The following ARHGAP24 variants were observed in gnomAD, a reference collection of about 807,000 sequenced individuals.
The protein encoded by ARHGAP24 is Rho GTPase activating protein 24.
A neutral mutation model predicts 76.4 loss-of-function variants in ARHGAP24; 50 were observed. That is an observed-to-expected ratio of 0.65 (90% CI 0.52 to 0.83). The LOEUF is 0.83. Ranked by LOEUF, ARHGAP24 falls within the 40% of genes least tolerant of loss-of-function variation. ARHGAP24 has a pLI of 0.00. For missense variants in ARHGAP24, 930 were observed against 914.2 expected (o/e 1.02, Z -0.22); for synonymous variants, 345 against 323.3 (o/e 1.07, Z -0.72).
rs1740998039 is a variant in ARHGAP24, at chr4:86,001,176, AATATAAATATAT to A, written c.*467_*478del. 4 of 394,690 alleles carry A rather than the reference AATATAAATATAT, an allele frequency of 1.0e-5. No individual in the cohort carries two copies. The highest frequency in any genetic ancestry group is 4.4e-5 in the Admixed American group (1 of 22,976). 24.4% of individuals were successfully genotyped at this position (394,690 alleles called of 1,614,324 possible). A position where few individuals can be genotyped will look rare whatever the true frequency, so the allele number is the denominator to read the frequency against. On this transcript the variant is annotated 3_prime_UTR_variant, in exon 10 of 10. Coordinates refer to ENST00000395184, the MANE Select transcript of ARHGAP24 (RefSeq NM_001025616.3). ...TGCTGAGGAAATGAAGATAAGCAAAAATATAAATATATATATAAATATATGAGTTATTAAAAT... is the reference window on the plus strand; with the variant it reads ...TGCTGAGGAAATGAAGATAAGCAAAAATATAAATATATGAGTTATTAAAAT...
At chr4:85,729,266 G>T (rs1343519599) in intron 3 of ARHGAP24, among the ~76,000 whole-genome samples, 1 of 152,044 alleles carries the variant, frequency 6.6e-6, no homozygotes, top group African/African-American at 2.4e-5. Flanking sequence ...TACACAAGTA[G>T]CTCTACATGA....
chr4:85,511,383 A>G (rs554379587), intron 1 of ARHGAP24, among the ~76,000 whole-genome samples: 53 of 152,240 alleles, frequency 3.5e-4, no homozygotes, highest in African/African-American at 1.1e-3. Flanking sequence ...TAGGGTTGCT[A>G]TAACGAAGTA....
chr4:85,825,241 C>T (rs1304541889), intron 3 of ARHGAP24, among the ~76,000 whole-genome samples: 5 of 152,162 alleles, frequency 3.3e-5, no homozygotes, highest in Non-Finnish European at 7.4e-5. Context: ...TGAAAACTGA[C>T]TTCAGATAAG....
chr4:85,589,270 C>A (rs1238136432), intron 2 of ARHGAP24, among the ~76,000 whole-genome samples: 1 of 152,166 alleles, frequency 6.6e-6, no homozygotes, highest in Non-Finnish European at 1.5e-5. Flanking sequence ...CTCATTTTCT[C>A]ATCTTAAACC....
intron 8 of ARHGAP24, among the ~76,000 whole-genome samples, chr4:85,978,289 A>G (rs1370224335): frequency 6.6e-6 from 1 of 152,232 alleles, no homozygotes; most frequent in Non-Finnish European, 1.5e-5. Flanking sequence ...TTCAGAATTT[A>G]AAAGAAAAAG....
At chr4:85,762,758 T>C (rs1209741425) in intron 3 of ARHGAP24, among the ~76,000 whole-genome samples, 1 of 152,102 alleles carries the variant, frequency 6.6e-6, no homozygotes, top group Non-Finnish European at 1.5e-5. Flanking sequence ...AGGAAATAAT[T>C]TCCTATTACA....
chr4:85,747,328 C>T (rs1370318756), intron 3 of ARHGAP24, among the ~76,000 whole-genome samples: 1 of 151,838 alleles, frequency 6.6e-6, no homozygotes, highest in Non-Finnish European at 1.5e-5. Flanking sequence ...TGTTAGATAT[C>T]TTTTGTATTT....
intron 9 of ARHGAP24, among the ~76,000 whole-genome samples, chr4:85,996,933 C>T (rs1740696802): frequency 6.6e-6 from 1 of 152,126 alleles, no homozygotes; most frequent in African/African-American, 2.4e-5. Context: ...TATGAATTTG[C>T]AGATGGATAC....
At chr4:85,647,223 A>G (rs777111583) in intron 2 of ARHGAP24, among the ~76,000 whole-genome samples, 1 of 152,140 alleles carries the variant, frequency 6.6e-6, no homozygotes. Context: ...AGTAGTAGAC[A>G]TCGTCATAGT....
At chr4:85,975,455 A>C (rs1453571101) in intron 7 of ARHGAP24, 2 of 152,776 alleles carry the variant, frequency 1.3e-5, no homozygotes, top group African/African-American at 4.8e-5. Context: ...GTAAGCATTC[A>C]ATAAATGTTA....
intron 3 of ARHGAP24, among the ~76,000 whole-genome samples, chr4:85,820,996 T>A (rs1424349987): frequency 6.6e-6 from 1 of 152,100 alleles, no homozygotes; most frequent in African/African-American, 2.4e-5. Flanking sequence ...ATTTTACAGT[T>A]TACCTAGTGT....
chr4:85,511,418 A>G (rs1724277212), intron 1 of ARHGAP24, among the ~76,000 whole-genome samples: 1 of 152,216 alleles, frequency 6.6e-6, no homozygotes, highest in East Asian at 1.9e-4. Flanking sequence ...GTTTTAAACA[A>G]AAGAAATTCA....
At chr4:85,499,630 A>G (rs1464988459) in intron 1 of ARHGAP24, among the ~76,000 whole-genome samples, 1 of 152,228 alleles carries the variant, frequency 6.6e-6, no homozygotes, top group East Asian at 1.9e-4. Context: ...AGCTACTATG[A>G]CTATCTTTCA....
intron 3 of ARHGAP24, among the ~76,000 whole-genome samples, chr4:85,755,570 A>G (rs1459984326): frequency 2.0e-5 from 3 of 151,760 alleles, no homozygotes; most frequent in Non-Finnish European, 4.4e-5. Context: ...CCACTGCTTC[A>G]GCTACTGACC....
chr4:85,804,968 C>A (rs1220151198), intron 3 of ARHGAP24, among the ~76,000 whole-genome samples: 1 of 152,124 alleles, frequency 6.6e-6, no homozygotes, highest in Non-Finnish European at 1.5e-5. Context: ...GCTTCTATTT[C>A]TCTTTCCTTT....
chr4:85,715,033 C>G (rs1724682296), intron 2 of ARHGAP24, among the ~76,000 whole-genome samples: 1 of 152,018 alleles, frequency 6.6e-6, no homozygotes, highest in Admixed American at 6.6e-5. Context: ...CTTTAATTTT[C>G]TCATTTATAA....
chr4:85,733,689 TC>T (rs1222701421), intron 3 of ARHGAP24, among the ~76,000 whole-genome samples: 1 of 152,178 alleles, frequency 6.6e-6, no homozygotes, highest in South Asian at 2.1e-4. Context: ...GAGGGCTCTC[TC>T]CTTGGTTCAT....
chr4:85,686,101 C>T (rs1723413608), intron 2 of ARHGAP24, among the ~76,000 whole-genome samples: 1 of 152,160 alleles, frequency 6.6e-6, no homozygotes, highest in African/African-American at 2.4e-5. Flanking sequence ...CCTGGAGGAT[C>T]AGCTCTCCCA....
rs561925624 is a variant in ARHGAP24 at position 85,856,380 on chromosome 4, T to G, written c.269-67268T>G. Among the ~76,000 whole-genome samples the G allele has an allele frequency of 2.6e-5, 4 of 152,270 alleles. No individual in the cohort carries two copies. In the East Asian group the frequency reaches 7.7e-4, roughly 29 times the overall value. ...ACATTTGATATTTTAATTTTTAGTT[T>G]TTTAGTTTTGCTTGTCACCACTTTC... On this transcript the variant is annotated intron_variant, in intron 3 of 9. Coordinates refer to ENST00000395184, the MANE Select transcript of ARHGAP24 (RefSeq NM_001025616.3).
Sources: allele counts gnomAD v4.1 joint callset (sites outside exome capture counted in the v4.1 genomes callset), GRCh38; gene constraint gnomAD v4.1.1; transcripts MANE v1.5; gene names NCBI Gene and HGNC (gene_info 2026-07-23, HGNC 2026-07-21).